The following PTPRT variants were observed in gnomAD, a reference collection of about 807,000 sequenced individuals.
PTPRT encodes the protein protein tyrosine phosphatase receptor type T.
PTPRT carries 56 observed loss-of-function variants against 176.8 expected under a neutral mutation model. The observed-to-expected ratio is 0.32, with a 90% CI of 0.26 to 0.40. The LOEUF is 0.40. PTPRT is among the 10% of genes least tolerant of loss of function. The pLI, the probability that PTPRT is intolerant of heterozygous loss-of-function variation, is 1.00. For missense variants in PTPRT, 1,540 were observed against 1,908.2 expected (o/e 0.81, Z 3.60); for synonymous variants, 783 against 739.0 (o/e 1.06, Z -0.96).
chr20:42,700,814 C>T (rs894263144), intron 6 of PTPRT, among the ~76,000 whole-genome samples: 3 of 152,082 alleles, frequency 2.0e-5, no homozygotes, highest in Non-Finnish European at 4.4e-5. Context: ...CCTACTATAA[C>T]TGGAGATCTT....
chr20:42,729,106 C>CA (rs2146257872), intron 6 of PTPRT, among the ~76,000 whole-genome samples: 3 of 152,072 alleles, frequency 2.0e-5, no homozygotes, highest in East Asian at 3.9e-4. Context: ...ATAACAACAA[C>CA]AAAAAACACT....
the PTPRT span, among the ~76,000 whole-genome samples, chr20:42,057,770 G>A: frequency 6.6e-6 from 1 of 152,006 alleles, no homozygotes; most frequent in Admixed American, 6.5e-5. Context: ...GTAGAGATTG[G>A]GTCTTGCTAT....
the PTPRT span, among the ~76,000 whole-genome samples, chr20:42,034,908 A>G: frequency 6.6e-6 from 1 of 152,188 alleles, no homozygotes; most frequent in African/African-American, 2.4e-5. Flanking sequence ...AACAGTGAAC[A>G]TTCTCTCCAT....
intron 7 of PTPRT, among the ~76,000 whole-genome samples, chr20:42,652,078 A>C (rs1197716207): frequency 6.7e-6 from 1 of 149,534 alleles, no homozygotes; most frequent in Non-Finnish European, 1.5e-5. Flanking sequence ...AAACAAAAAA[A>C]ACAAAAAAAA....
At chr20:42,037,967 G>A in the PTPRT span, among the ~76,000 whole-genome samples, 2 of 152,244 alleles carry the variant, frequency 1.3e-5, no homozygotes, top group East Asian at 3.9e-4. Flanking sequence ...AACATTTATG[G>A]AGCACTCACT....
intron 2 of PTPRT, among the ~76,000 whole-genome samples, chr20:42,845,466 C>T (rs889315065): frequency 1.3e-5 from 2 of 152,120 alleles, no homozygotes; most frequent in African/African-American, 4.8e-5. Flanking sequence ...TGTGTGTGCA[C>T]ATGTGTGTGA....
intron 2 of PTPRT, among the ~76,000 whole-genome samples, chr20:42,881,913 A>T (rs903381780): frequency 2.6e-5 from 4 of 152,080 alleles, no homozygotes; most frequent in African/African-American, 9.7e-5. Context: ...ATGAGAGAGG[A>T]GAAGAAAAGG....
At chr20:42,134,938 G>C (rs1988302744) in intron 18 of PTPRT, among the ~76,000 whole-genome samples, 1 of 152,100 alleles carries the variant, frequency 6.6e-6, no homozygotes, top group Non-Finnish European at 1.5e-5. Flanking sequence ...TCTTTCAGTT[G>C]CTCAAATGCA....
chr20:42,965,294 G>GAT (rs1219456062), intron 1 of PTPRT, among the ~76,000 whole-genome samples: 1 of 152,112 alleles, frequency 6.6e-6, no homozygotes, highest in Non-Finnish European at 1.5e-5. Context: ...ATAATGCCAC[G>GAT]ATGACCTACT....
chr20:42,494,073 C>T lies in PTPRT; in HGVS notation c.1154-21511G>A, dbSNP rs192865662. On this transcript the variant is annotated intron_variant, in intron 7 of 30. Coordinates refer to ENST00000373187, the MANE Select transcript of PTPRT (RefSeq NM_007050.6). Reference sequence around the variant, plus strand: ...TATGAAGATAGGGGCTTTTCTCAATCATCTCGACCCTTTCATCTACCTGTT... The same window carrying T: ...TATGAAGATAGGGGCTTTTCTCAATTATCTCGACCCTTTCATCTACCTGTT... Among the ~76,000 whole-genome samples the T allele has an allele frequency of 8.1e-4, 123 of 152,224 alleles. 1 individual carries two copies. Among genetic ancestry groups the T allele is most frequent in the African/African-American group, 2.9e-3 (121 of 41,554 alleles).
intron 18 of PTPRT, among the ~76,000 whole-genome samples, chr20:42,130,567 A>G (rs757090067): frequency 1.3e-5 from 2 of 152,140 alleles, no homozygotes; most frequent in Non-Finnish European, 1.5e-5. Context: ...TGCACACTAG[A>G]GTGGGAGAAG....
intron 7 of PTPRT, among the ~76,000 whole-genome samples, chr20:42,568,496 T>C (rs2073087665): frequency 6.6e-6 from 1 of 152,212 alleles, no homozygotes; most frequent in Non-Finnish European, 1.5e-5. Flanking sequence ...CCTGCTTCTT[T>C]TCAAAACAGC....
chr20:42,700,376 A>C (rs533595988), intron 6 of PTPRT, among the ~76,000 whole-genome samples: 1 of 152,172 alleles, frequency 6.6e-6, no homozygotes, highest in African/African-American at 2.4e-5. Context: ...CCCTCACACA[A>C]GCTGTGTGGT....
intron 1 of PTPRT, among the ~76,000 whole-genome samples, chr20:43,185,539 C>T (rs758667548): frequency 2.6e-5 from 4 of 152,180 alleles, no homozygotes; most frequent in African/African-American, 7.2e-5. Context: ...CTATTTAAAC[C>T]CTTGAATGGC....
intron 1 of PTPRT, among the ~76,000 whole-genome samples, chr20:42,910,162 T>C (rs1394822945): frequency 6.6e-6 from 1 of 152,078 alleles, no homozygotes. Flanking sequence ...CCAAAGACCA[T>C]CCAGAAATCC....
chr20:42,447,335 G>A (rs916486572), intron 9 of PTPRT, among the ~76,000 whole-genome samples: 2 of 152,078 alleles, frequency 1.3e-5, no homozygotes, highest in Non-Finnish European at 1.5e-5. Context: ...GAGGCTTAAA[G>A]AGAGGAGGAA....
Position 42,072,846 on chromosome 20 carries a change from GAATA to G in PTPRT, c.*8029_*8032del. 4.6e-6 allele frequency: 1 copy of G among 218,726 alleles called. No homozygotes were observed. The highest frequency in any genetic ancestry group is 9.2e-6 in the Non-Finnish European group (1 of 108,760). The allele number at this position is 218,726 out of a possible 1,614,324, so 13.5% of individuals were successfully genotyped here. A position where few individuals can be genotyped will look rare whatever the true frequency, so the allele number is the denominator to read the frequency against. ...AAACATTGTCAGGGAACATTTACAA[GAATA>G]AATAAGATGGACTTGCAGGTGTAAA... On this transcript the variant is annotated 3_prime_UTR_variant, in exon 31 of 31. Coordinates refer to ENST00000373187, the MANE Select transcript of PTPRT (RefSeq NM_007050.6).
At chr20:43,029,382 T>G (rs946947855) in intron 1 of PTPRT, among the ~76,000 whole-genome samples, 1 of 152,226 alleles carries the variant, frequency 6.6e-6, no homozygotes, top group Non-Finnish European at 1.5e-5. Context: ...GTGCTTCGGC[T>G]TTCATCACCA....
chr20:42,717,447 T>C (rs2076242509), intron 6 of PTPRT, among the ~76,000 whole-genome samples: 1 of 152,144 alleles, frequency 6.6e-6, no homozygotes, highest in African/African-American at 2.4e-5. Context: ...GGTCAACTGA[T>C]ATCCATACAG....
Sources: gnomAD v4.1 joint callset for allele counts (sites outside exome capture counted in the v4.1 genomes callset) on GRCh38, gnomAD v4.1.1 for gene constraint, MANE v1.5 for transcripts, NCBI Gene and HGNC (gene_info 2026-07-23, HGNC 2026-07-21) for gene names.